The following ZYX variants were observed in gnomAD, a reference collection of about 807,000 sequenced individuals.
The protein encoded by ZYX is zyxin-2.
A neutral mutation model predicts 58.1 loss-of-function variants in ZYX; 37 were observed. The ratio of observed to expected loss-of-function variants is 0.64; its 90% CI spans 0.49 to 0.84. The LOEUF (loss-of-function observed/expected upper bound fraction) is 0.84. ZYX is among the 40% of genes least tolerant of loss of function. The pLI, the probability that ZYX is intolerant of heterozygous loss-of-function variation, is 0.00. For synonymous variants in ZYX, 324 were observed against 321.1 expected, an observed-to-expected ratio of 1.01 and a Z score of -0.10; for missense variants, 762 against 761.6, an observed-to-expected ratio of 1.00 and a Z score of -0.01.
In ZYX at chr7:143,388,996, G is replaced by A; in HGVS notation, c.1493+51G>A. 6.4e-7 allele frequency: 1 copy of A among 1,564,804 alleles called. No individual in the cohort carries two copies. Among genetic ancestry groups the A allele is most frequent in the South Asian group, 1.2e-5 (1 of 84,576 alleles). On this transcript the variant is annotated intron_variant, in intron 8 of 9. Coordinates refer to ENST00000322764, the MANE Select transcript of ZYX (RefSeq NM_003461.5). This position sits in a 1 kb window ranked among gnomAD's most constrained non-coding sequence, Gnocchi z 7.5. ...GGTTCCCGGCGTGCTTGGTCTGGTA[G>A]CCCGGCTGCTTGCTACCCTAGCCTC... is the stretch of plus-strand genomic sequence containing the variant.
Position 143,389,037 on chromosome 7 carries a change from C to T in ZYX, c.1493+92C>T. 2.8e-6 allele frequency: 4 copies of T among 1,437,392 alleles called. No individual in the cohort carries two copies. Among genetic ancestry groups the T allele is most frequent in the Non-Finnish European group, 3.7e-6 (4 of 1,068,138 alleles). The allele number at this position is 1,437,392 out of a possible 1,614,324, so 89.0% of individuals were successfully genotyped here. A position where few individuals can be genotyped will look rare whatever the true frequency, so the allele number is the denominator to read the frequency against. On this transcript the variant is annotated intron_variant, in intron 8 of 9. Transcript: ENST00000322764. This position sits in a 1 kb window ranked among gnomAD's most constrained non-coding sequence, Gnocchi z 5.6. Reference sequence around the variant, plus strand: ...CCCTAGCCTCAGGACAGCCCCAAACCCCTGGTGGTGTTTTCTGGTCCCATG... The same window carrying T: ...CCCTAGCCTCAGGACAGCCCCAAACTCCTGGTGGTGTTTTCTGGTCCCATG...
chr7:143,388,054 AT>A lies in ZYX; in HGVS notation c.1024-164del. 4.1e-6 allele frequency: 3 copies of A among 738,476 alleles called. No homozygotes were observed. The highest frequency in any genetic ancestry group is 6.6e-6 in the Non-Finnish European group (3 of 453,832). 45.7% of individuals were successfully genotyped at this position (738,476 alleles called of 1,614,324 possible). A position where few individuals can be genotyped will look rare whatever the true frequency, so the allele number is the denominator to read the frequency against. ...CCCTGTTATTTGTGTGGTGCTGGGG[AT>A]GGCGGGGGTAGGGGGACGAGGGAGA... On this transcript the variant is annotated intron_variant, in intron 5 of 9. Transcript: ENST00000322764. The surrounding 1 kb of genome is among the most constrained non-coding windows in gnomAD (Gnocchi z 7.5).
rs1018987107 is a variant in ZYX, at chr7:143,384,370, G to T, written c.1023+1048G>T. On this transcript the variant is annotated intron_variant, in intron 5 of 9. Transcript: ENST00000322764. This position sits in a 1 kb window ranked among gnomAD's most constrained non-coding sequence, Gnocchi z 4.9. ...ATGTTTGGAGAACAGAAAGTGGAAGGTTCCTGTAGGAAAATGATAGAGCTA... is the reference window on the plus strand; with the variant it reads ...ATGTTTGGAGAACAGAAAGTGGAAGTTTCCTGTAGGAAAATGATAGAGCTA... 3 of 424,860 alleles carry T rather than the reference G, an allele frequency of 7.1e-6. No individual in the cohort carries two copies. Among genetic ancestry groups the T allele is most frequent in the African/African-American group, 2.0e-5 (1 of 48,900 alleles). 26.3% of individuals were successfully genotyped at this position (424,860 alleles called of 1,614,324 possible).
Position 143,388,035 on chromosome 7 carries a change from T to G in ZYX, c.1024-184T>G. The G allele has an allele frequency of 2.1e-5, 14 of 657,614 alleles. No individual in the cohort carries two copies. Among genetic ancestry groups the G allele is most frequent in the East Asian group, 2.9e-5 (1 of 34,614 alleles). The allele number at this position is 657,614 out of a possible 1,614,324, so 40.7% of individuals were successfully genotyped here. ...TCCAGGCTTAGGTCCCTTCCCCTGT[T>G]ATTTGTGTGGTGCTGGGGATGGCGG... On this transcript the variant is annotated intron_variant, in intron 5 of 9. Coordinates refer to ENST00000322764, the MANE Select transcript of ZYX (RefSeq NM_003461.5). This position sits in a 1 kb window ranked among gnomAD's most constrained non-coding sequence, Gnocchi z 7.5.
chr7:143,382,369 G>A lies in ZYX; in HGVS notation c.330G>A (p.Glu110=). Residue 110 remains glutamate (E), a synonymous_variant, in exon 3 of 10, where the codon GAG becomes GAA. Coordinates refer to ENST00000322764, the MANE Select transcript of ZYX (RefSeq NM_003461.5). ...IEESFPPAPL[E]EEIFPSPPPP... Reference sequence around the variant, plus strand: ...AATCATTTCCCCCTGCGCCTCTGGAGGAGGAGATCTTCCCTTCCCCGCCGC... The same window carrying A: ...AATCATTTCCCCCTGCGCCTCTGGAAGAGGAGATCTTCCCTTCCCCGCCGC... The A allele has an allele frequency of 6.3e-7, 1 of 1,591,810 alleles. No individual in the cohort carries two copies. The highest frequency in any genetic ancestry group is 1.1e-5 in the South Asian group (1 of 89,352).
At position 143,382,907 on chromosome 7, in the gene ZYX, C is replaced by A. The variant is rs775264460; in HGVS notation, c.608C>A (p.Pro203His). The A allele has an allele frequency of 1.7e-5, 28 of 1,613,942 alleles. No homozygotes were observed. In the East Asian group the frequency reaches 6.0e-4, roughly 35 times the overall value. ...GTAPLPPWKS[P>H]SSSQPLPQVP... ...GCACCCCTGCCTCCTTGGAAGTCCCCTTCCAGCTCCCAGCCTCTGCCCCAG... is the reference window on the plus strand; with the variant it reads ...GCACCCCTGCCTCCTTGGAAGTCCCATTCCAGCTCCCAGCCTCTGCCCCAG... The change falls in exon 5 of 10, where the codon CCT becomes CAT. Residue 203 changes from proline (P) to histidine (H), a missense_variant. Transcript: ENST00000322764.
rs550747457 is a variant in ZYX at position 143,389,241 on chromosome 7, G to T, written c.1493+296G>T. On this transcript the variant is annotated intron_variant, in intron 8 of 9. Transcript: ENST00000322764. This position sits in a 1 kb window ranked among gnomAD's most constrained non-coding sequence, Gnocchi z 5.6. ...TGGAGTGACTTCATCTCACACACAG[G>T]CTGGGTTCTAAAAGTTCTTTTGGAG... Among the ~76,000 whole-genome samples the T allele has an allele frequency of 1.3e-5, 2 of 152,332 alleles. No individual in the cohort carries two copies. Among genetic ancestry groups the T allele is most frequent in the African/African-American group, 4.8e-5 (2 of 41,566 alleles).
intron 3 of ZYX, 61 bp downstream of exon 3, chr7:143,382,508 C>G: frequency 5.0e-6 from 8 of 1,593,122 alleles, no homozygotes; most frequent in Non-Finnish European, 6.9e-6. Flanking sequence ...GAAGAGGGCC[C>G]TTTCTTCTTA....
Position 143,389,353 on chromosome 7 carries a change from C to T in ZYX, c.1493+408C>T, listed in dbSNP as rs1804987865. Among the ~76,000 whole-genome samples the T allele has an allele frequency of 6.6e-6, 1 of 152,206 alleles. No individual in the cohort carries two copies. The highest frequency in any genetic ancestry group is 2.4e-5 in the African/African-American group (1 of 41,456). ...CAGGCTGACCCGCAGAACCTCAGTG[C>T]AGCTGTGGGAACAGTGCAGAATCTG... On this transcript the variant is annotated intron_variant, in intron 8 of 9. Coordinates refer to ENST00000322764, the MANE Select transcript of ZYX (RefSeq NM_003461.5). The surrounding 1 kb of genome is among the most constrained non-coding windows in gnomAD (Gnocchi z 5.6).
rs1399852670 is a variant in ZYX at position 143,389,943 on chromosome 7, A to G, written c.1580A>G (p.Asp527Gly). ...GAGACTGTGCGAGTGGTCGCCCTGG[A>G]CAAGAACTTCCACATGAAGTGTTAC... is the stretch of plus-strand genomic sequence containing the variant. ...RDETVRVVAL[D>G]KNFHMKCYKC... is the part of the protein sequence containing the mutation. Residue 527 changes from aspartate to glycine, a missense_variant, in exon 9 of 10, where the codon GAC (aspartate) becomes GGC (glycine). By Grantham distance (94) the Asp-to-Gly change is moderately conservative. Transcript: ENST00000322764. This position sits in a 1 kb window ranked among gnomAD's most constrained non-coding sequence, Gnocchi z 5.6. The G allele has an allele frequency of 2.5e-5, 40 of 1,614,026 alleles. No individual in the cohort carries two copies. Among genetic ancestry groups the G allele is most frequent in the Non-Finnish European group, 3.3e-5 (39 of 1,180,004 alleles).
intron 5 of ZYX, among the ~76,000 whole-genome samples, chr7:143,386,892 G>T (rs953915971): frequency 1.3e-5 from 2 of 152,142 alleles, no homozygotes; most frequent in African/African-American, 4.8e-5. Flanking sequence ...GGTGCAGGCT[G>T]GCAGAGGGGG....
Position 143,388,023 on chromosome 7 carries a change from C to A in ZYX, c.1024-196C>A, listed in dbSNP as rs190796318. ...TGCTGTACGAGATCCAGGCTTAGGT[C>A]CCTTCCCCTGTTATTTGTGTGGTGC... On this transcript the variant is annotated intron_variant, in intron 5 of 9. Coordinates refer to ENST00000322764, the MANE Select transcript of ZYX (RefSeq NM_003461.5). The surrounding 1 kb of genome is among the most constrained non-coding windows in gnomAD (Gnocchi z 7.5). 1.8e-5 allele frequency: 12 copies of A among 648,988 alleles called. No homozygotes were observed. The East Asian group carries it at 3.4e-4, about 18-fold the overall frequency. The allele number at this position is 648,988 out of a possible 1,614,324, so 40.2% of individuals were successfully genotyped here. A position where few individuals can be genotyped will look rare whatever the true frequency, so the allele number is the denominator to read the frequency against.
intron 5 of ZYX, among the ~76,000 whole-genome samples, chr7:143,383,778 C>T (rs1417173418): frequency 6.6e-6 from 1 of 152,186 alleles, no homozygotes; most frequent in African/African-American, 2.4e-5. Flanking sequence ...CAGCATCCAC[C>T]ACGTGCCAGG....
rs896181671 is a variant in ZYX at position 143,390,930 on chromosome 7, G to A, written c.*248G>A. The A allele has an allele frequency of 7.8e-6, 4 of 512,934 alleles. No homozygotes were observed. The highest frequency in any genetic ancestry group is 3.9e-5 in the African/African-American group (2 of 51,642). 31.8% of individuals were successfully genotyped at this position (512,934 alleles called of 1,614,324 possible). On this transcript the variant is annotated 3_prime_UTR_variant, in exon 10 of 10. Coordinates refer to ENST00000322764, the MANE Select transcript of ZYX (RefSeq NM_003461.5). This position sits in a 1 kb window ranked among gnomAD's most constrained non-coding sequence, Gnocchi z 4.3. ...CCGTCTTCCAGACACCCCACCTGAGGGGGGCACCAGGTTTAGTGCTGCTGC... is the reference window on the plus strand; with the variant it reads ...CCGTCTTCCAGACACCCCACCTGAGAGGGGCACCAGGTTTAGTGCTGCTGC...
In ZYX at chr7:143,381,540, C is replaced by T; in HGVS notation, c.-15-17C>T. The T allele has an allele frequency of 6.3e-7, 1 of 1,597,688 alleles. No individual in the cohort carries two copies. Among genetic ancestry groups the T allele is most frequent in the Non-Finnish European group, 8.5e-7 (1 of 1,172,136 alleles). On this transcript the variant is annotated splice_polypyrimidine_tract_variant and intron_variant, in intron 1 of 9. Coordinates refer to ENST00000322764, the MANE Select transcript of ZYX (RefSeq NM_003461.5). Reference sequence around the variant, plus strand: ...TGAGCCCGGCTCCGCGCTGCGTAACCCGGCGACCCACCCCAGCAGCCCGGC... The same window carrying T: ...TGAGCCCGGCTCCGCGCTGCGTAACTCGGCGACCCACCCCAGCAGCCCGGC...
chr7:143,387,880 C>G lies in ZYX; in HGVS notation c.1024-339C>G. 1 of 498,364 alleles carries G rather than the reference C, an allele frequency of 2.0e-6. No individual in the cohort carries two copies. Among genetic ancestry groups the G allele is most frequent in the African/African-American group, 1.9e-5 (1 of 51,572 alleles). 30.9% of individuals were successfully genotyped at this position (498,364 alleles called of 1,614,324 possible). A position where few individuals can be genotyped will look rare whatever the true frequency, so the allele number is the denominator to read the frequency against. The stretch of plus-strand genomic sequence containing the variant: ...TGCTCTGTGGAGTTGATGCGTGGCC[C>G]TGGAGTGTCCGGTGCTTCAGTGACC... On this transcript the variant is annotated intron_variant, in intron 5 of 9. Coordinates refer to ENST00000322764, the MANE Select transcript of ZYX (RefSeq NM_003461.5). The surrounding 1 kb of genome is among the most constrained non-coding windows in gnomAD (Gnocchi z 5.8).
rs564880921 is a variant in ZYX at position 143,390,249 on chromosome 7, G to A, written c.1614+272G>A. 10 of 546,670 alleles carry A rather than the reference G, an allele frequency of 1.8e-5. No homozygotes were observed. The highest frequency in any genetic ancestry group is 1.3e-4 in the East Asian group (4 of 31,226). The allele number at this position is 546,670 out of a possible 1,614,324, so 33.9% of individuals were successfully genotyped here. On this transcript the variant is annotated intron_variant, in intron 9 of 9. Transcript: ENST00000322764. This position sits in a 1 kb window ranked among gnomAD's most constrained non-coding sequence, Gnocchi z 4.3. ...GAGAAGAAGGGCATGGTGTTTTACC[G>A]TGGTAGGGGATGGGGAAACAGGAGC...
chr7:143,383,424 A>G lies in ZYX; in HGVS notation c.1023+102A>G, dbSNP rs1323763307. On this transcript the variant is annotated intron_variant, in intron 5 of 9. Transcript: ENST00000322764. ...TAAGGTGATTGGAGAGTCAGGGTGG[A>G]CACGGGGGTTGCGGGGTGGCGGGAT... is the stretch of plus-strand genomic sequence containing the variant. The G allele has an allele frequency of 5.7e-6, 8 of 1,405,706 alleles. No individual in the cohort carries two copies. In the Admixed American group the frequency reaches 2.1e-4, roughly 38 times the overall value. The allele number at this position is 1,405,706 out of a possible 1,614,324, so 87.1% of individuals were successfully genotyped here.
chr7:143,390,071 C>T lies in ZYX; in HGVS notation c.1614+94C>T. On this transcript the variant is annotated intron_variant, in intron 9 of 9. Coordinates refer to ENST00000322764, the MANE Select transcript of ZYX (RefSeq NM_003461.5). The surrounding 1 kb of genome is among the most constrained non-coding windows in gnomAD (Gnocchi z 4.3). ...CTGGGAGGTGGAAAGCACCAGCATTCAGGAAACAGGGCTGTGATTTTGAGG... is the reference window on the plus strand; with the variant it reads ...CTGGGAGGTGGAAAGCACCAGCATTTAGGAAACAGGGCTGTGATTTTGAGG... 6.5e-7 allele frequency: 1 copy of T among 1,545,078 alleles called. No homozygotes were observed. The highest frequency in any genetic ancestry group is 2.3e-5 in the East Asian group (1 of 43,860).
Sources: gnomAD v4.1 joint callset for allele counts (sites outside exome capture counted in the v4.1 genomes callset) on GRCh38, gnomAD v4.1.1 for gene constraint, Gnocchi (gnomAD v3.1) non-coding constraint, MANE v1.5 for transcripts, NCBI Gene and HGNC (gene_info 2026-07-23, HGNC 2026-07-21) for gene names.